ING5: variants seen among roughly 807,000 people sequenced by gnomAD.
ING5 encodes the protein inhibitor of growth family member 5, also known as inhibitor of growth protein 5.
Under a neutral mutation model 37.4 loss-of-function variants are expected in ING5, and 17 were observed. The ratio of observed to expected loss-of-function variants is 0.45; its 90% CI spans 0.31 to 0.68. The LOEUF is 0.68. Among genes scored for constraint, ING5 ranks in the 30% least tolerant of loss-of-function variants. The pLI is 0.05. For missense variants in ING5, 233 were observed against 311.9 expected (o/e 0.75, Z 1.91); for synonymous variants, 123 against 116.6 (o/e 1.06, Z -0.36).
chr2:241,689,044 G>A (rs534255395), intron 1 of ING5, among the ~76,000 whole-genome samples: 1 of 151,998 alleles, frequency 6.6e-6, no homozygotes, highest in East Asian at 1.9e-4. Context: ...CTCATGATCC[G>A]CCCATCTCAG....
Position 241,709,252 on chromosome 2 carries a change from A to G in ING5, c.146A>G (p.Tyr49Cys). Residue 49 changes from tyrosine (Y) to cysteine (C), a missense_variant, in exon 3 of 8, where the codon TAC (tyrosine) becomes TGC (cysteine). Around this residue, in one of 4 missense-constraint regions of ING5, gnomAD observed 93 missense variants for 99.7 expected, o/e 0.93. Transcript: ENST00000313552. ...KAEIDILAAEYISTVKTLSPD... is the reference protein window; with the variant it reads ...KAEIDILAAECISTVKTLSPD... ...GAGATTGACATCCTGGCTGCAGAGT[A>G]CATCTCCACGGTGAAGACGCTGTCT... 6 of 1,613,884 alleles carry G rather than the reference A, an allele frequency of 3.7e-6. No individual in the cohort carries two copies. The highest frequency in any genetic ancestry group is 5.1e-6 in the Non-Finnish European group (6 of 1,179,936).
intron 7 of ING5, 195 bp from the exon 8 acceptor site, chr2:241,724,794 G>C (rs1323778521): frequency 1.7e-6 from 1 of 592,962 alleles, no homozygotes. Flanking sequence ...CTTCAGAACC[G>C]GCGTCCTGCA....
At chr2:241,721,454 C>T (rs964197408) in intron 5 of ING5, 1 of 985,578 alleles carries the variant, frequency 1.0e-6, no homozygotes, top group Non-Finnish European at 1.2e-6. Flanking sequence ...TGCCAGAGGG[C>T]AGCGGGGAGG....
At chr2:241,723,793 T>G (rs1191032188) in intron 7 of ING5, 1 of 1,597,916 alleles carries the variant, frequency 6.3e-7, no homozygotes, top group South Asian at 1.1e-5. Flanking sequence ...TTCCTCAGAT[T>G]TCATTTAAAT....
chr2:241,702,420 C>T (rs2069769089), intron 1 of ING5, among the ~76,000 whole-genome samples: 1 of 151,814 alleles, frequency 6.6e-6, no homozygotes, highest in Non-Finnish European at 1.5e-5. Context: ...CTACCCAGGC[C>T]CCGCCTCATC....
chr2:241,702,061 C>A lies in ING5; in HGVS notation c.-5C>A. ...CGCAGACCCCGAGCGCGGCCGCGGA[C>A]GAAGATGGCGACCGCCATGTACTTG... On this transcript the variant is annotated 5_prime_UTR_variant, in exon 1 of 8. Transcript: ENST00000313552. 7.2e-7 allele frequency: 1 copy of A among 1,387,686 alleles called. No individual in the cohort carries two copies. The highest frequency in any genetic ancestry group is 1.5e-5 in the South Asian group (1 of 67,980). The allele number at this position is 1,387,686 out of a possible 1,614,324, so 86.0% of individuals were successfully genotyped here.
intron 5 of ING5, among the ~76,000 whole-genome samples, chr2:241,718,367 CCCTTCCTCCCTCCCTCCCTT>C: frequency 7.3e-6 from 1 of 137,574 alleles, no homozygotes; most frequent in Non-Finnish European, 1.6e-5. Context: ...CTCCCTCCCT[CCCTTCCTCCCTCCCTCCCTT>C]CCTTCCTTCC....
At chr2:241,711,827 G>A (rs1014959304) in intron 4 of ING5, 151 bp from the exon 5 acceptor site, 13 of 689,424 alleles carry the variant, frequency 1.9e-5, no homozygotes, top group Non-Finnish European at 2.9e-5. Context: ...CTTGAGCCCG[G>A]GAGGTCAAGG....
intron 5 of ING5, 84 bp downstream of exon 5, chr2:241,712,155 C>A (rs2070130398): frequency 2.6e-6 from 3 of 1,139,524 alleles, no homozygotes; most frequent in African/African-American, 1.6e-5. Context: ...TGGAAGCTGA[C>A]CCGAGTGAAG....
At chr2:241,702,800 G>A (rs1204762558) in intron 1 of ING5, among the ~76,000 whole-genome samples, 1 of 152,262 alleles carries the variant, frequency 6.6e-6, no homozygotes, top group African/African-American at 2.4e-5. Context: ...CGAGCAGCCT[G>A]CTCAGGGTCT....
intron 2 of ING5, chr2:241,693,979 CAG>C (rs1414021076): frequency 2.0e-5 from 3 of 151,702 alleles, no homozygotes; most frequent in East Asian, 2.0e-4. Flanking sequence ...GTTTCTAAAA[CAG>C]GGTCCCTTCA....
intron 5 of ING5, chr2:241,721,754 C>G: frequency 1.0e-6 from 1 of 985,432 alleles, no homozygotes; most frequent in South Asian, 4.7e-5. Context: ...GTACCTGCAG[C>G]TTGTAAGTTT....
At chr2:241,724,356 A>G (rs1691522631) in intron 7 of ING5, among the ~76,000 whole-genome samples, 2 of 151,836 alleles carry the variant, frequency 1.3e-5, no homozygotes, top group African/African-American at 4.8e-5. Context: ...GGGTTTTGAG[A>G]AGGGGTACGG....
At chr2:241,702,644 T>G (rs1016054515) in intron 1 of ING5, among the ~76,000 whole-genome samples, 1 of 151,952 alleles carries the variant, frequency 6.6e-6, no homozygotes, top group Non-Finnish European at 1.5e-5. Flanking sequence ...CACTGGGGAC[T>G]GCGGCGCGGA....
chr2:241,705,339 A>G (rs534830444), intron 2 of ING5, among the ~76,000 whole-genome samples: 3 of 151,390 alleles, frequency 2.0e-5, no homozygotes, highest in South Asian at 2.1e-4. Flanking sequence ...CAGCCTCCCA[A>G]AGTGCTGGGA....
intron 1 of ING5, among the ~76,000 whole-genome samples, chr2:241,702,472 G>C (rs1184913700): frequency 2.0e-5 from 3 of 151,974 alleles, no homozygotes; most frequent in Non-Finnish European, 4.4e-5. Flanking sequence ...GGTCCCGCCC[G>C]TCCCTGTCCC....
intron 2 of ING5, among the ~76,000 whole-genome samples, chr2:241,696,927 C>G (rs2069638175): frequency 6.6e-6 from 1 of 151,710 alleles, no homozygotes; most frequent in Admixed American, 6.6e-5. Flanking sequence ...ACTAAAAATA[C>G]AAAAATTAGC....
At chr2:241,696,531 A>G (rs1482808457) in intron 2 of ING5, among the ~76,000 whole-genome samples, 1 of 152,056 alleles carries the variant, frequency 6.6e-6, no homozygotes, top group Non-Finnish European at 1.5e-5. Flanking sequence ...CATGTCTGTA[A>G]TCCCAGCACT....
At position 241,712,826 on chromosome 2, in the gene ING5, G is replaced by A. The variant is rs947477405; in HGVS notation, c.482+755G>A. Among the ~76,000 whole-genome samples, 7 of 152,114 alleles carry A rather than the reference G, an allele frequency of 4.6e-5. No individual in the cohort carries two copies. In the East Asian group the frequency reaches 1.4e-3, roughly 30 times the overall value. ...GGATCACTTGAGCCCAGGAATCTGA[G>A]ACCAGTCTGGGCAACCAAGTGAGTC... is the stretch of plus-strand genomic sequence containing the variant. On this transcript the variant is annotated intron_variant, in intron 5 of 7. Coordinates refer to ENST00000313552, the MANE Select transcript of ING5 (RefSeq NM_032329.6).
Sources: gnomAD v4.1 joint callset for allele counts (sites outside exome capture counted in the v4.1 genomes callset) on GRCh38, gnomAD v4.1.1 for gene constraint, gnomAD v4.1.1 regional missense constraint, MANE v1.5 for transcripts, NCBI Gene and HGNC (gene_info 2026-07-23, HGNC 2026-07-21) for gene names.